ZNF292: variants seen among roughly 807,000 people sequenced by gnomAD.
ZNF292 encodes the protein zinc finger protein 292.
Under a neutral mutation model 217.9 loss-of-function variants are expected in ZNF292, and 26 were observed. The ratio of observed to expected loss-of-function variants is 0.12; its 90% CI spans 0.09 to 0.17. The LOEUF (loss-of-function observed/expected upper bound fraction) is 0.17, where lower values mean the gene tolerates loss of function less well. ZNF292 is among the 10% of genes least tolerant of loss of function. The probability of loss-of-function intolerance (pLI) is 1.00; values close to 1 mark genes in which losing one functional copy is unlikely to be tolerated. For synonymous variants in ZNF292, 1,257 were observed against 1,124.1 expected (o/e 1.12, Z -2.37); for missense variants, 2,904 against 3,175.2 (o/e 0.91, Z 2.05).
rs746929340 is a variant in ZNF292, at chr6:87,256,087, T to C, written c.2458T>C (p.Ser820Pro). 4.3e-6 allele frequency: 7 copies of C among 1,613,254 alleles called. No individual in the cohort carries two copies. In the South Asian group the frequency reaches 7.7e-5, roughly 18 times the overall value. The change falls in exon 8 of 8, where the codon TCT becomes CCT. Residue 820 changes from serine (S) to proline (P), a missense_variant. Physicochemically the swap from Ser to Pro is moderately conservative, Grantham distance 74. Coordinates refer to ENST00000369577, the MANE Select transcript of ZNF292 (RefSeq NM_015021.3). The stretch of plus-strand genomic sequence containing the variant: ...CACAGGTTGTGGTAAAGTTTATCGT[T>C]CTCAGGGTGAGCTGGAAAAGCATCT... ...KFTGCGKVYR[S>P]QGELEKHLDD...
At chr6:87,197,150 A>G (rs1771972729) in intron 1 of ZNF292, among the ~76,000 whole-genome samples, 1 of 152,192 alleles carries the variant, frequency 6.6e-6, no homozygotes, top group South Asian at 2.1e-4. Flanking sequence ...ACTTCTTGCT[A>G]GAGGTAATAC....
At chr6:87,205,780 T>G (rs1772234266) in intron 1 of ZNF292, among the ~76,000 whole-genome samples, 3 of 152,186 alleles carry the variant, frequency 2.0e-5, no homozygotes, top group Admixed American at 2.0e-4. Context: ...CTCACCACAA[T>G]CTGTGTCTTT....
rs1349090203 is a variant in ZNF292 at position 87,258,002 on chromosome 6, C to T, written c.4373C>T (p.Ala1458Val). The T allele has an allele frequency of 3.7e-6, 6 of 1,613,898 alleles. No homozygotes were observed. In the South Asian group the frequency reaches 5.5e-5, roughly 15 times the overall value. The change falls in exon 8 of 8, where the codon GCT becomes GTT. Residue 1458 changes from alanine (A) to valine (V), a missense_variant. This residue lies in a region of ZNF292 where 622 missense variants were observed against 573.1 expected (regional missense o/e 1.09). Coordinates refer to ENST00000369577, the MANE Select transcript of ZNF292 (RefSeq NM_015021.3). Reference protein sequence around the residue: ...FKDPSFLQLLAENRSPAFLPN... With the variant: ...FKDPSFLQLLVENRSPAFLPN... ...GATCCATCATTTCTACAGCTTCTTG[C>T]TGAAAATCGCTCGCCAGCATTTTTA...
At chr6:87,238,614 G>C (rs1156638828) in intron 5 of ZNF292, among the ~76,000 whole-genome samples, 2 of 138,168 alleles carry the variant, frequency 1.4e-5, no homozygotes, top group African/African-American at 5.4e-5. Context: ...TTATTTTTTT[G>C]GTTTTTTTTT....
At chr6:87,164,598 T>C (rs1770853250) in intron 1 of ZNF292, among the ~76,000 whole-genome samples, 1 of 152,168 alleles carries the variant, frequency 6.6e-6, no homozygotes, top group South Asian at 2.1e-4. Flanking sequence ...TCAATAGCAC[T>C]GCTTCTGCTT....
intron 1 of ZNF292, among the ~76,000 whole-genome samples, chr6:87,170,898 T>C (rs1392304807): frequency 6.6e-6 from 1 of 152,180 alleles, no homozygotes; most frequent in East Asian, 1.9e-4. Flanking sequence ...TTAGAATTGA[T>C]GAAAGCCATA....
At chr6:87,187,809 C>T (rs1341121116) in intron 1 of ZNF292, among the ~76,000 whole-genome samples, 4 of 151,498 alleles carry the variant, frequency 2.6e-5, no homozygotes, top group Non-Finnish European at 5.9e-5. Context: ...TAGCTGTTTC[C>T]CTGTATGAGT....
chr6:87,160,108 G>T (rs1310958837), intron 1 of ZNF292, among the ~76,000 whole-genome samples: 7 of 152,160 alleles, frequency 4.6e-5, no homozygotes. Flanking sequence ...GATGATCATG[G>T]TCCCTGGCTT....
intron 1 of ZNF292, among the ~76,000 whole-genome samples, chr6:87,210,727 C>T (rs1772447145): frequency 6.6e-6 from 1 of 151,988 alleles, no homozygotes; most frequent in African/African-American, 2.4e-5. Flanking sequence ...TTGCTGTGAG[C>T]CGAGATCATG....
At position 87,261,518 on chromosome 6, in the gene ZNF292, A is replaced by G; in HGVS notation, c.7889A>G (p.Asn2630Ser). ...KKGSHSNSRK[N>S]IDKTAVTSGN... The stretch of plus-strand genomic sequence containing the variant: ...GGATCCCATTCAAATTCAAGAAAAA[A>G]TATTGATAAGACTGCTGTGACTAGT... Residue 2630 changes from asparagine to serine, a missense_variant, in exon 8 of 8, where the codon AAT becomes AGT. Coordinates refer to ENST00000369577, the MANE Select transcript of ZNF292 (RefSeq NM_015021.3). 6.2e-7 allele frequency: 1 copy of G among 1,607,810 alleles called. No individual in the cohort carries two copies. Among genetic ancestry groups the G allele is most frequent in the Non-Finnish European group, 8.5e-7 (1 of 1,176,648 alleles).
At position 87,257,876 on chromosome 6, in the gene ZNF292, A is replaced by G; in HGVS notation, c.4247A>G (p.Asn1416Ser). The G allele has an allele frequency of 6.2e-7, 1 of 1,613,924 alleles. No individual in the cohort carries two copies. The change falls in exon 8 of 8, where the codon AAT (asparagine) becomes AGT (serine). Residue 1416 changes from asparagine (N) to serine (S), a missense_variant. Coordinates refer to ENST00000369577, the MANE Select transcript of ZNF292 (RefSeq NM_015021.3). The stretch of plus-strand genomic sequence containing the variant: ...ATTGCTCAAGAACTTCTACAGAGTA[A>G]TGGACAGCCTTCTCTTCTTGCCAGC... ...AEIAQELLQS[N>S]GQPSLLASMI... is the part of the protein sequence containing the mutation.
chr6:87,185,316 A>C (rs147589933), intron 1 of ZNF292, among the ~76,000 whole-genome samples: 1 of 152,184 alleles, frequency 6.6e-6, no homozygotes, highest in Non-Finnish European at 1.5e-5. Flanking sequence ...ATTGATTTTC[A>C]GGATTTTAGA....
At chr6:87,246,429 G>T (rs972012167) in intron 7 of ZNF292, among the ~76,000 whole-genome samples, 1 of 152,122 alleles carries the variant, frequency 6.6e-6, no homozygotes, top group Admixed American at 6.5e-5. Flanking sequence ...GGGCTCAAAA[G>T]GTAAAACCTA....
chr6:87,261,273 A>G lies in ZNF292; in HGVS notation c.7644A>G (p.Glu2548=). 6.2e-7 allele frequency: 1 copy of G among 1,611,536 alleles called. No homozygotes were observed. The highest frequency in any genetic ancestry group is 8.5e-7 in the Non-Finnish European group (1 of 1,179,266). The part of the protein sequence containing the change: ...NVSQNKKRKV[E]KAEPASAAEL... ...CACAAAATAAAAAAAGGAAAGTTGA[A>G]AAAGCTGAACCAGCATCAGCAGCTG... Residue 2548 remains glutamate (E), a synonymous_variant, in exon 8 of 8, where the codon GAA becomes GAG. Transcript: ENST00000369577.
At position 87,260,812 on chromosome 6, in the gene ZNF292, T is replaced by C; in HGVS notation, c.7183T>C (p.Ser2395Pro). 1 of 1,612,962 alleles carries C rather than the reference T, an allele frequency of 6.2e-7. No homozygotes were observed. Among genetic ancestry groups the C allele is most frequent in the Non-Finnish European group, 8.5e-7 (1 of 1,179,426 alleles). ...QYPCMIKGCT[S>P]VVTSESNIIR... ...TCCATGTATGATAAAGGGATGTACTTCAGTTGTTACAAGTGAAAGCAATAT... is the reference window on the plus strand; with the variant it reads ...TCCATGTATGATAAAGGGATGTACTCCAGTTGTTACAAGTGAAAGCAATAT... Residue 2395 changes from serine to proline, a missense_variant, in exon 8 of 8, where the codon TCA (serine) becomes CCA (proline). Coordinates refer to ENST00000369577, the MANE Select transcript of ZNF292 (RefSeq NM_015021.3).
chr6:87,158,289 T>C (rs986729933), intron 1 of ZNF292, among the ~76,000 whole-genome samples: 6 of 152,228 alleles, frequency 3.9e-5, no homozygotes, highest in Admixed American at 3.9e-4. Flanking sequence ...TGGAACATTT[T>C]CTGGGGTGGG....
chr6:87,209,263 A>G (rs1045228787), intron 1 of ZNF292, among the ~76,000 whole-genome samples: 7 of 152,106 alleles, frequency 4.6e-5, no homozygotes, highest in East Asian at 3.9e-4. Flanking sequence ...TCAGTCTTAC[A>G]TATGCTTTCC....
intron 7 of ZNF292, among the ~76,000 whole-genome samples, chr6:87,251,595 A>G (rs1774923889): frequency 1.3e-5 from 2 of 152,148 alleles, no homozygotes. Context: ...TGCTATTAGT[A>G]TTTGTGATTA....
At chr6:87,169,459 T>C (rs1031241707) in intron 1 of ZNF292, among the ~76,000 whole-genome samples, 2 of 152,088 alleles carry the variant, frequency 1.3e-5, no homozygotes. Context: ...TTGCAGACAG[T>C]GTTATACAGA....
Sources: gnomAD v4.1 joint callset for allele counts (sites outside exome capture counted in the v4.1 genomes callset) on GRCh38, gnomAD v4.1.1 for gene constraint, gnomAD v4.1.1 regional missense constraint, MANE v1.5 for transcripts, NCBI Gene and HGNC (gene_info 2026-07-23, HGNC 2026-07-21) for gene names.